Variants in ZNF131 observed in about 807,000 individuals in gnomAD.
The protein encoded by ZNF131 is zinc finger and BTB domain containing 35.
ZNF131 carries 7 observed loss-of-function variants against 60.0 expected under a neutral mutation model. The observed-to-expected ratio is 0.12, with a 90% CI of 0.07 to 0.22. The LOEUF is 0.22. Ranked by LOEUF, ZNF131 falls within the 10% of genes least tolerant of loss-of-function variation. ZNF131 has a pLI of 1.00. For missense variants in ZNF131, 493 were observed against 740.9 expected (o/e 0.67, Z 3.88); for synonymous variants, 257 against 253.2 (o/e 1.01, Z -0.14).
rs61645691 is a variant in ZNF131, at chr5:43,153,489, A to AAG, written c.372-7760_372-7759insAG. On this transcript the variant is annotated intron_variant, in intron 4 of 6. Transcript: ENST00000682664. The stretch of plus-strand genomic sequence containing the variant: ...AAAAAAAAAAAAAAAAAAAAAAAAA[A>AAG]GCAAAATTAGCTGGGCCTGGTGGCA... Among the ~76,000 whole-genome samples the AAG allele has an allele frequency of 1.0e-4, 13 of 128,888 alleles. 1 individual carries two copies. The highest frequency in any genetic ancestry group is 3.4e-4 in the African/African-American group (12 of 35,700). 84.6% of individuals were successfully genotyped at this position (128,888 alleles called of 152,430 possible).
rs79246574 is a variant in ZNF131 at position 43,143,898 on chromosome 5, CTTTTTTTTTTTTTTTTTTTTT to C, written c.371+4607_371+4627del. Among the ~76,000 whole-genome samples the C allele has an allele frequency of 9.7e-4, 34 of 34,994 alleles. 1 individual carries two copies. The highest frequency in any genetic ancestry group is 3.7e-3 in the East Asian group (4 of 1,080). 23.0% of individuals were successfully genotyped at this position (34,994 alleles called of 152,430 possible). A position where few individuals can be genotyped will look rare whatever the true frequency, so the allele number is the denominator to read the frequency against. ...TAGGTTCTCTGGAATATTGTCAGAG[CTTTTTTTTTTTTTTTTTTTTT>C]TTTTTTTTTTTTTTTTTCCTTGAGA... is the stretch of plus-strand genomic sequence containing the variant. On this transcript the variant is annotated intron_variant, in intron 4 of 6. Transcript: ENST00000682664.
chr5:43,131,338 A>C (rs1745331853), intron 3 of ZNF131, among the ~76,000 whole-genome samples: 1 of 150,956 alleles, frequency 6.6e-6, no homozygotes, highest in Non-Finnish European at 1.5e-5. Flanking sequence ...ACACCCGGCT[A>C]ATTTTTTGTA....
At chr5:43,125,500 G>A (rs1406113419) in intron 3 of ZNF131, among the ~76,000 whole-genome samples, 1 of 151,848 alleles carries the variant, frequency 6.6e-6, no homozygotes, top group Non-Finnish European at 1.5e-5. Flanking sequence ...AAGTGGCCTG[G>A]CCGGATGCGG....
At chr5:43,143,904 T>TTTTTTTG (rs1231882371) in intron 4 of ZNF131, among the ~76,000 whole-genome samples, 13 of 35,948 alleles carry the variant, frequency 3.6e-4, no homozygotes, top group African/African-American at 1.5e-3. Context: ...AGAGCTTTTT[T>TTTTTTTG]TTTTTTTTTT....
chr5:43,127,019 A>G (rs901228741), intron 3 of ZNF131, among the ~76,000 whole-genome samples: 3 of 152,116 alleles, frequency 2.0e-5, no homozygotes, highest in Admixed American at 6.5e-5. Context: ...CAGGAAACTC[A>G]CTACTGTTTT....
At chr5:43,132,086 G>A (rs2112183979) in intron 3 of ZNF131, among the ~76,000 whole-genome samples, 1 of 152,240 alleles carries the variant, frequency 6.6e-6, no homozygotes, top group Non-Finnish European at 1.5e-5. Context: ...ACGTATGTGT[G>A]TTTGATTAAA....
chr5:43,148,925 A>G (rs1747956562), intron 4 of ZNF131, among the ~76,000 whole-genome samples: 2 of 152,150 alleles, frequency 1.3e-5, no homozygotes, highest in Admixed American at 6.5e-5. Flanking sequence ...CATCCCTACA[A>G]TTTTATGTGC....
chr5:43,124,566 T>G (rs933274945), intron 3 of ZNF131: 2 of 152,166 alleles, frequency 1.3e-5, no homozygotes, highest in African/African-American at 4.8e-5. Context: ...GAGACATAAT[T>G]ATGAAAATCC....
chr5:43,121,933 CCTT>C (rs1743895582), intron 1 of ZNF131, 103 bp from the exon 2 acceptor site: 2 of 1,240,330 alleles, frequency 1.6e-6, no homozygotes, highest in Non-Finnish European at 2.2e-6. Context: ...CACCCTCCCC[CCTT>C]CTTTTCACGT....
intron 3 of ZNF131, among the ~76,000 whole-genome samples, chr5:43,133,384 C>T (rs924503587): frequency 8.5e-5 from 13 of 152,060 alleles, no homozygotes; most frequent in Non-Finnish European, 7.4e-5. Context: ...AGAATCGTTT[C>T]GATCTGGGGA....
intron 5 of ZNF131, among the ~76,000 whole-genome samples, chr5:43,169,629 A>G (rs997224848): frequency 5.9e-5 from 9 of 152,172 alleles, no homozygotes; most frequent in Admixed American, 3.3e-4. Context: ...ATTTTAATCT[A>G]TGGGTATATC....
chr5:43,138,882 G>A (rs1477717997), intron 3 of ZNF131, among the ~76,000 whole-genome samples: 1 of 152,146 alleles, frequency 6.6e-6, no homozygotes. Flanking sequence ...GGCAAGAAAT[G>A]TAGCATGTCT....
chr5:43,144,627 C>T (rs1195737899), intron 4 of ZNF131, among the ~76,000 whole-genome samples: 1 of 152,086 alleles, frequency 6.6e-6, no homozygotes, highest in Admixed American at 6.6e-5. Flanking sequence ...TGTAATGCCA[C>T]CACAGTAGTT....
chr5:43,124,351 T>G (rs1351846942), intron 3 of ZNF131: 1 of 152,160 alleles, frequency 6.6e-6, no homozygotes, highest in East Asian at 1.9e-4. Flanking sequence ...GGTTCTTGGG[T>G]TTTGGTTTTA....
chr5:43,157,305 C>G (rs1417994780), intron 4 of ZNF131, among the ~76,000 whole-genome samples: 1 of 152,198 alleles, frequency 6.6e-6, no homozygotes, highest in Non-Finnish European at 1.5e-5. Context: ...CCCTCATCTC[C>G]CATGTGAACC....
At chr5:43,168,527 G>GTA (rs1554070312) in intron 5 of ZNF131, among the ~76,000 whole-genome samples, 1 of 152,202 alleles carries the variant, frequency 6.6e-6, no homozygotes, top group Non-Finnish European at 1.5e-5. Flanking sequence ...CTAGAGTGGA[G>GTA]TAAGGGTAAG....
intron 4 of ZNF131, among the ~76,000 whole-genome samples, chr5:43,152,296 C>A (rs906582433): frequency 4.6e-5 from 7 of 152,182 alleles, no homozygotes. Context: ...AGCCACCACT[C>A]CCAGCCGAGT....
At position 43,163,578 on chromosome 5, in the gene ZNF131, C is replaced by T. The variant is rs77928579; in HGVS notation, c.1054+1647C>T. Reference sequence around the variant, plus strand: ...AGGTTTCTTGCTTGCTCCCACTCCCCGAACAACCTTTGCTGGGTCTCCTAC... The same window carrying T: ...AGGTTTCTTGCTTGCTCCCACTCCCTGAACAACCTTTGCTGGGTCTCCTAC... On this transcript the variant is annotated intron_variant, in intron 5 of 6. Coordinates refer to ENST00000682664, the MANE Select transcript of ZNF131 (RefSeq NM_001330707.2). 5.3e-3 allele frequency among the ~76,000 whole-genome samples: 800 copies of T among 152,320 alleles called. 3 individuals carry two copies. The highest frequency in any genetic ancestry group is 0.018 in the African/African-American group (768 of 41,564).
chr5:43,173,626 G>C (rs1023937819), intron 6 of ZNF131, among the ~76,000 whole-genome samples, 178 bp downstream of exon 6: 1 of 152,152 alleles, frequency 6.6e-6, no homozygotes, highest in East Asian at 1.9e-4. Flanking sequence ...CCCAACCCTA[G>C]ATGACACCAA....
Sources: allele counts gnomAD v4.1 joint callset (sites outside exome capture counted in the v4.1 genomes callset), GRCh38; gene constraint gnomAD v4.1.1; transcripts MANE v1.5; gene names NCBI Gene and HGNC (gene_info 2026-07-23, HGNC 2026-07-21).